The following RAB11FIP4 variants were observed in gnomAD, a reference collection of about 807,000 sequenced individuals.
The protein encoded by RAB11FIP4 is rab11 family-interacting protein 4.
A neutral mutation model predicts 74.3 loss-of-function variants in RAB11FIP4; 23 were observed. The ratio of observed to expected loss-of-function variants is 0.31; its 90% CI spans 0.22 to 0.44. The LOEUF (loss-of-function observed/expected upper bound fraction) is 0.44, where lower values mean the gene tolerates loss of function less well. Ranked by LOEUF, RAB11FIP4 falls within the 20% of genes least tolerant of loss-of-function variation. RAB11FIP4 has a pLI of 1.00. For synonymous variants in RAB11FIP4, 360 were observed against 359.9 expected (o/e 1.00, Z 0.00); for missense variants, 630 against 863.9 (o/e 0.73, Z 3.39).
chr17:31,444,628 C>T (rs1226912153), intron 3 of RAB11FIP4, among the ~76,000 whole-genome samples: 3 of 152,164 alleles, frequency 2.0e-5, no homozygotes, highest in Non-Finnish European at 4.4e-5. Context: ...GGGCCACCTC[C>T]TGCCTAACCC....
intron 7 of RAB11FIP4, chr17:31,523,072 C>T: frequency 4.5e-6 from 1 of 223,078 alleles, no homozygotes; most frequent in Non-Finnish European, 9.2e-6. Context: ...CCAGAGTTCC[C>T]AGAGACGTAG....
At chr17:31,459,897 G>A (rs1021438790) in intron 3 of RAB11FIP4, among the ~76,000 whole-genome samples, 1 of 152,232 alleles carries the variant, frequency 6.6e-6, no homozygotes, top group East Asian at 1.9e-4. Context: ...GGGTCCCAGG[G>A]CTTGTGTGGA....
intron 3 of RAB11FIP4, chr17:31,448,424 G>A (rs74812937): frequency 0.15 from 10,359 of 71,130 alleles, 1,021 homozygotes; most frequent in East Asian, 0.34. Context: ...CAGAGACCGG[G>A]TCTAGCTATG....
intron 1 of RAB11FIP4, among the ~76,000 whole-genome samples, chr17:31,423,654 C>G (rs991984524): frequency 1.3e-5 from 2 of 151,770 alleles, no homozygotes; most frequent in African/African-American, 4.9e-5. Flanking sequence ...AGATCCACCC[C>G]AAGTATACAT....
intron 10 of RAB11FIP4, 90 bp downstream of exon 10, chr17:31,525,320 G>T: frequency 7.6e-7 from 1 of 1,320,006 alleles, no homozygotes; most frequent in South Asian, 1.5e-5. Context: ...TTTTATAGAT[G>T]GGAATGTGAG....
At chr17:31,480,793 C>CAAA (rs36097331) in intron 3 of RAB11FIP4, among the ~76,000 whole-genome samples, 149 of 73,456 alleles carry the variant, frequency 2.0e-3, no homozygotes, top group Non-Finnish European at 2.7e-3. Context: ...GACTCCGTCT[C>CAAA]AAAAAAAAAA....
intron 3 of RAB11FIP4, among the ~76,000 whole-genome samples, chr17:31,486,685 C>T (rs2071906529): frequency 6.6e-6 from 1 of 152,232 alleles, no homozygotes; most frequent in Non-Finnish European, 1.5e-5. Context: ...TATCTCTGAA[C>T]AGCAAGGCAT....
At chr17:31,478,401 T>G (rs1021377508) in intron 3 of RAB11FIP4, among the ~76,000 whole-genome samples, 1 of 152,136 alleles carries the variant, frequency 6.6e-6, no homozygotes, top group Admixed American at 6.5e-5. Context: ...ATCCCTTGTG[T>G]TGTTAAATGT....
At chr17:31,481,817 G>T (rs537996564) in intron 3 of RAB11FIP4, among the ~76,000 whole-genome samples, 40 of 152,112 alleles carry the variant, frequency 2.6e-4, no homozygotes, top group Admixed American at 1.2e-3. Context: ...ACATGCACAG[G>T]TTGACACAAA....
At chr17:31,414,398 A>G (rs561578543) in intron 1 of RAB11FIP4, among the ~76,000 whole-genome samples, 21 of 152,362 alleles carry the variant, frequency 1.4e-4, no homozygotes, top group Admixed American at 6.5e-4. Flanking sequence ...AAACATTTGC[A>G]AAAGGAACGG....
At chr17:31,440,256 G>A (rs1422083901) in intron 3 of RAB11FIP4, among the ~76,000 whole-genome samples, 1 of 152,106 alleles carries the variant, frequency 6.6e-6, no homozygotes, top group Non-Finnish European at 1.5e-5. Context: ...CCAGTACTTT[G>A]AGTTCCTAAT....
At chr17:31,442,037 C>T (rs894795304) in intron 3 of RAB11FIP4, among the ~76,000 whole-genome samples, 8 of 149,436 alleles carry the variant, frequency 5.4e-5, no homozygotes, top group East Asian at 2.0e-4. Flanking sequence ...CTCACTCTGT[C>T]GCCCAGGCTG....
intron 1 of RAB11FIP4, among the ~76,000 whole-genome samples, chr17:31,417,952 G>T (rs1209175926): frequency 6.6e-6 from 1 of 152,166 alleles, no homozygotes; most frequent in Admixed American, 6.5e-5. Context: ...TTAGCCAGGT[G>T]TAGTGGTGTA....
intron 1 of RAB11FIP4, among the ~76,000 whole-genome samples, chr17:31,426,310 C>T (rs1216557818): frequency 6.6e-6 from 1 of 152,072 alleles, no homozygotes; most frequent in Non-Finnish European, 1.5e-5. Flanking sequence ...GGAGCGTTAC[C>T]ACTGCAGTGA....
intron 3 of RAB11FIP4, chr17:31,448,410 T>TTTTTTTTTTTTTTTTTTTTTC (rs1567659521): frequency 6.8e-6 from 1 of 146,124 alleles, no homozygotes; most frequent in African/African-American, 2.6e-5. Flanking sequence ...TTTTTTTTTT[T>TTTTTTTTTTTTTTTTTTTTTC]TGGCAGAGAC....
At chr17:31,401,172 T>C (rs1290189596) in intron 1 of RAB11FIP4, among the ~76,000 whole-genome samples, 1 of 151,632 alleles carries the variant, frequency 6.6e-6, no homozygotes, top group Non-Finnish European at 1.5e-5. Context: ...CTCGGGAGGC[T>C]GAGGTGGGAG....
At chr17:31,475,931 G>C (rs2071787585) in intron 3 of RAB11FIP4, among the ~76,000 whole-genome samples, 1 of 151,990 alleles carries the variant, frequency 6.6e-6, no homozygotes, top group African/African-American at 2.4e-5. Flanking sequence ...CTTTGCCCAG[G>C]CATGAGCTAC....
rs1242002006 is a variant in RAB11FIP4 at position 31,442,342 on chromosome 17, A to C, written c.336+8220A>C. On this transcript the variant is annotated intron_variant, in intron 3 of 14. Coordinates refer to ENST00000621161, the MANE Select transcript of RAB11FIP4 (RefSeq NM_032932.6). ...TTAACGTAATTTGGGGAATGAACAA[A>C]AGCAGTGTAATAATCATTCTTATAG... Among the ~76,000 whole-genome samples, 4 of 152,208 alleles carry C rather than the reference A, an allele frequency of 2.6e-5. No individual in the cohort carries two copies. The East Asian group carries it at 7.7e-4, about 29-fold the overall frequency.
intron 3 of RAB11FIP4, among the ~76,000 whole-genome samples, chr17:31,503,129 T>G (rs1487171935): frequency 3.9e-5 from 6 of 152,110 alleles, no homozygotes; most frequent in African/African-American, 1.2e-4. Flanking sequence ...ACCTCCCAGG[T>G]TCAAGTGATT....
Sources: allele counts gnomAD v4.1 joint callset (sites outside exome capture counted in the v4.1 genomes callset), GRCh38; gene constraint gnomAD v4.1.1; transcripts MANE v1.5; gene names NCBI Gene and HGNC (gene_info 2026-07-23, HGNC 2026-07-21).